The following SLC26A11 variants were observed in gnomAD, a reference collection of about 807,000 sequenced individuals.
SLC26A11 encodes sodium-independent sulfate anion transporter.
In SLC26A11, 58 loss-of-function variants were observed where a neutral mutation model predicts 62.2. The ratio of observed to expected loss-of-function variants is 0.93; its 90% CI spans 0.76 to 1.16. The LOEUF (loss-of-function observed/expected upper bound fraction) is 1.16. Ranked by LOEUF, SLC26A11 falls within the 50% of genes most tolerant of loss-of-function variation. The pLI is 0.00. For missense variants in SLC26A11, 790 were observed against 794.3 expected (o/e 0.99, Z 0.06); for synonymous variants, 411 against 368.9 (o/e 1.11, Z -1.31).
chr17:80,231,328 A>C (rs1356544202), intron 7 of SLC26A11, among the ~76,000 whole-genome samples: 25 of 150,492 alleles, frequency 1.7e-4, no homozygotes, highest in Admixed American at 1.5e-3. Flanking sequence ...ATGCCTGGCT[A>C]ATTTTTTGTA....
Position 80,222,591 on chromosome 17 carries a change from C to T in SLC26A11, c.235-64C>T. 1.3e-6 allele frequency: 2 copies of T among 1,526,542 alleles called. No individual in the cohort carries two copies. The allele number at this position is 1,526,542 out of a possible 1,614,324, so 94.6% of individuals were successfully genotyped here. A position where few individuals can be genotyped will look rare whatever the true frequency, so the allele number is the denominator to read the frequency against. The stretch of plus-strand genomic sequence containing the variant: ...CCCACACATCCCGAGCTTGGACACG[C>T]ACACTAGGGAGCTGGTGGATGGGCC... On this transcript the variant is annotated intron_variant, in intron 3 of 17. Coordinates refer to ENST00000361193, the MANE Select transcript of SLC26A11 (RefSeq NM_001166347.2). The surrounding 1 kb of genome is among the most constrained non-coding windows in gnomAD (Gnocchi z 4.7).
rs1260280247 is a variant in SLC26A11, at chr17:80,246,719, A to G, written c.1294+70A>G. 6 of 1,544,704 alleles carry G rather than the reference A, an allele frequency of 3.9e-6. No individual in the cohort carries two copies. In the Admixed American group the frequency reaches 9.7e-5, roughly 25 times the overall value. ...GAACGCGGAGGGTGTCATTTATGCT[A>G]CCCCATTTTCCTGCAGCCCCCTCTG... On this transcript the variant is annotated intron_variant, in intron 13 of 17. Coordinates refer to ENST00000361193, the MANE Select transcript of SLC26A11 (RefSeq NM_001166347.2). The surrounding 1 kb of genome is among the most constrained non-coding windows in gnomAD (Gnocchi z 4.4).
At chr17:80,239,391 C>CTTT (rs576920538) in intron 9 of SLC26A11, among the ~76,000 whole-genome samples, 15,175 of 131,294 alleles carry the variant, frequency 0.12, 1,069 homozygotes, top group African/African-American at 0.2. Flanking sequence ...CCAGTAATTT[C>CTTT]TTTTTTTTTT....
intron 13 of SLC26A11, 90 bp from the exon 14 acceptor site, chr17:80,248,039 TG>T (rs1026371494): frequency 1.4e-6 from 2 of 1,428,466 alleles, no homozygotes; most frequent in Non-Finnish European, 9.2e-7. Flanking sequence ...TACTCATATG[TG>T]GGGGGCAGAA....
chr17:80,225,153 G>A (rs2042373521), intron 5 of SLC26A11, among the ~76,000 whole-genome samples: 1 of 152,014 alleles, frequency 6.6e-6, no homozygotes, highest in Non-Finnish European at 1.5e-5. Flanking sequence ...CTGGGCCACA[G>A]AGCAAGCAAG....
chr17:80,233,570 T>A (rs560942181), intron 7 of SLC26A11, among the ~76,000 whole-genome samples: 1 of 145,002 alleles, frequency 6.9e-6, no homozygotes, highest in Non-Finnish European at 1.5e-5. Flanking sequence ...CTGTTGGTGA[T>A]TAACTCTTTC....
intron 17 of SLC26A11, 32 bp downstream of exon 17, chr17:80,251,433 T>A (rs1275463050): frequency 1.1e-5 from 18 of 1,612,100 alleles, no homozygotes; most frequent in Non-Finnish European, 1.4e-5. Flanking sequence ...GTGGCTTTGG[T>A]GATTTTGTAA....
At chr17:80,221,956 C>CATAGGAGCCTGGG in intron 3 of SLC26A11, 162 bp downstream of exon 3, 1 of 721,050 alleles carries the variant, frequency 1.4e-6, no homozygotes, top group Non-Finnish European at 2.2e-6. Flanking sequence ...CCGACCCAGG[C>CATAGGAGCCTGGG]TCCTATGCCT....
At chr17:80,224,380 CGCGT>C (rs2042332763) in intron 5 of SLC26A11, among the ~76,000 whole-genome samples, 1 of 123,840 alleles carries the variant, frequency 8.1e-6, no homozygotes, top group African/African-American at 3.2e-5. Context: ...AGTGCGCGCG[CGCGT>C]GTGTGAGTGT....
intron 7 of SLC26A11, among the ~76,000 whole-genome samples, chr17:80,234,708 T>C (rs898761300): frequency 2.6e-5 from 4 of 152,244 alleles, no homozygotes; most frequent in Non-Finnish European, 5.9e-5. Flanking sequence ...CTCCTTTGTG[T>C]GTTTCATTTT....
rs181607887 is a variant in SLC26A11 at position 80,221,933 on chromosome 17, G to T, written c.234+139G>T. On this transcript the variant is annotated intron_variant, in intron 3 of 17. Coordinates refer to ENST00000361193, the MANE Select transcript of SLC26A11 (RefSeq NM_001166347.2). ...CCTTTGGTTTACAGTGTGTGACGCA[G>T]ATTGTCTCTGGGCCGACCCAGGCTC... 780 of 901,980 alleles carry T rather than the reference G, an allele frequency of 8.6e-4. 12 individuals carry two copies. The East Asian group carries it at 0.014, about 17-fold the overall frequency. The allele number at this position is 901,980 out of a possible 1,614,324, so 55.9% of individuals were successfully genotyped here.
chr17:80,247,750 C>T (rs2043046679), intron 13 of SLC26A11, among the ~76,000 whole-genome samples: 1 of 152,200 alleles, frequency 6.6e-6, no homozygotes, highest in African/African-American at 2.4e-5. Context: ...GAATCCCCCA[C>T]AGGGCTAAGC....
In SLC26A11 at chr17:80,222,388, AAAG is replaced by A; in HGVS notation, c.235-264_235-262del. Reference sequence around the variant, plus strand: ...GAGACTCCATCTCAAAAAAAAAAAAAAAGAATGCTTCCTCAGACTTGGACACAG... The same window carrying A: ...GAGACTCCATCTCAAAAAAAAAAAAAAATGCTTCCTCAGACTTGGACACAG... On this transcript the variant is annotated intron_variant, in intron 3 of 17. Coordinates refer to ENST00000361193, the MANE Select transcript of SLC26A11 (RefSeq NM_001166347.2). This position sits in a 1 kb window ranked among gnomAD's most constrained non-coding sequence, Gnocchi z 4.7. 1 of 367,798 alleles carries A rather than the reference AAAG, an allele frequency of 2.7e-6. No individual in the cohort carries two copies. 22.8% of individuals were successfully genotyped at this position (367,798 alleles called of 1,614,324 possible). A position where few individuals can be genotyped will look rare whatever the true frequency, so the allele number is the denominator to read the frequency against.
Position 80,246,440 on chromosome 17 carries a change from G to T in SLC26A11, c.1154-69G>T. ...GTCCCCAGTGGGCTCTGCTGAACAA[G>T]AGGCTGCTACGCTGCGTGCTGGGGG... is the stretch of plus-strand genomic sequence containing the variant. On this transcript the variant is annotated intron_variant, in intron 12 of 17. Transcript: ENST00000361193. This position sits in a 1 kb window ranked among gnomAD's most constrained non-coding sequence, Gnocchi z 4.4. 6 of 1,590,556 alleles carry T rather than the reference G, an allele frequency of 3.8e-6. No homozygotes were observed. In the South Asian group the frequency reaches 6.6e-5, roughly 18 times the overall value.
rs765449261 is a variant in SLC26A11 at position 80,227,840 on chromosome 17, C to T, written c.616C>T (p.Leu206=). ...CAGGGTAGGTGACGCCGTCCTGGGG[C>T]TGGTCTGCATGCTGCTGCTGCTGGT... The part of the protein sequence containing the change: ...ETRVGDAVLG[L]VCMLLLLVLK... Residue 206 remains leucine, a synonymous_variant, in exon 7 of 18, where the codon CTG becomes TTG. Coordinates refer to ENST00000361193, the MANE Select transcript of SLC26A11 (RefSeq NM_001166347.2). 1.9e-6 allele frequency: 3 copies of T among 1,603,960 alleles called. No homozygotes were observed. The highest frequency in any genetic ancestry group is 2.5e-6 in the Non-Finnish European group (3 of 1,179,960).
intron 7 of SLC26A11, among the ~76,000 whole-genome samples, chr17:80,236,586 G>T (rs2042698791): frequency 6.6e-6 from 1 of 152,220 alleles, no homozygotes; most frequent in African/African-American, 2.4e-5. Context: ...GGGAAAGGGG[G>T]TAAATCTGGT....
At chr17:80,249,807 G>A (rs1052038521) in intron 16 of SLC26A11, among the ~76,000 whole-genome samples, 1 of 152,144 alleles carries the variant, frequency 6.6e-6, no homozygotes, top group African/African-American at 2.4e-5. Context: ...CTACATGGGA[G>A]GCTGGGAGAA....
intron 6 of SLC26A11, among the ~76,000 whole-genome samples, chr17:80,227,115 G>T (rs1472267425): frequency 6.6e-6 from 1 of 152,128 alleles, no homozygotes; most frequent in Non-Finnish European, 1.5e-5. Context: ...TCTAGAGCAG[G>T]GTGTCCAGTC....
intron 10 of SLC26A11, 23 bp downstream of exon 10, chr17:80,241,844 G>A (rs1267418442): frequency 1.9e-6 from 3 of 1,614,114 alleles, no homozygotes; most frequent in Non-Finnish European, 2.5e-6. Context: ...CCGCGGGAAG[G>A]AAGACACCAG....
Sources: allele counts gnomAD v4.1 joint callset (sites outside exome capture counted in the v4.1 genomes callset), GRCh38; gene constraint gnomAD v4.1.1; non-coding constraint Gnocchi (gnomAD v3.1); transcripts MANE v1.5; gene names NCBI Gene and HGNC (gene_info 2026-07-23, HGNC 2026-07-21).